SLC44A1: variants seen among roughly 807,000 people sequenced by gnomAD.
SLC44A1 encodes the protein choline transporter-like protein 1.
In SLC44A1, 26 loss-of-function variants were observed where a neutral mutation model predicts 79.3. The ratio of observed to expected loss-of-function variants is 0.33; its 90% CI spans 0.24 to 0.46. The LOEUF is 0.46. Among genes scored for constraint, SLC44A1 ranks in the 20% least tolerant of loss-of-function variants. The pLI, the probability that SLC44A1 is intolerant of heterozygous loss-of-function variation, is 1.00. For missense variants in SLC44A1, 688 were observed against 798.1 expected (o/e 0.86, Z 1.66); for synonymous variants, 263 against 286.2 (o/e 0.92, Z 0.82).
chr9:105,392,092 A>C lies in SLC44A1; in HGVS notation c.*3036A>C. On this transcript the variant is annotated 3_prime_UTR_variant, in exon 16 of 16. Transcript: ENST00000374720. Reference sequence around the variant, plus strand: ...ACCCATCTTCTATGAGAGGCTTACCAGTGCATTAGTAATAAAACATTAGCA... The same window carrying C: ...ACCCATCTTCTATGAGAGGCTTACCCGTGCATTAGTAATAAAACATTAGCA... 1.0e-6 allele frequency: 1 copy of C among 985,414 alleles called. No homozygotes were observed. The highest frequency in any genetic ancestry group is 1.2e-6 in the Non-Finnish European group (1 of 829,882). 61.0% of individuals were successfully genotyped at this position (985,414 alleles called of 1,614,324 possible).
intron 15 of SLC44A1, among the ~76,000 whole-genome samples, chr9:105,437,771 T>G (rs1380080136): frequency 6.6e-6 from 1 of 152,182 alleles, no homozygotes; most frequent in Non-Finnish European, 1.5e-5. Context: ...AAAGTTTCAT[T>G]TGCATTTCAG....
intron 15 of SLC44A1, among the ~76,000 whole-genome samples, chr9:105,427,392 T>C (rs921792144): frequency 7.2e-5 from 11 of 152,226 alleles, no homozygotes; most frequent in Non-Finnish European, 1.3e-4. Context: ...AATTAAGGGA[T>C]TATTAATAAT....
At chr9:105,295,019 C>T (rs1206222677) in intron 1 of SLC44A1, among the ~76,000 whole-genome samples, 1 of 151,538 alleles carries the variant, frequency 6.6e-6, no homozygotes, top group Non-Finnish European at 1.5e-5. Context: ...ATCTTTGTTA[C>T]CATGTTTGTT....
intron 3 of SLC44A1, among the ~76,000 whole-genome samples, chr9:105,320,002 C>A (rs988139177): frequency 1.3e-5 from 2 of 152,160 alleles, no homozygotes; most frequent in Admixed American, 6.5e-5. Flanking sequence ...ACCTTGTGCC[C>A]CTTTGTAGTC....
chr9:105,392,527 G>A lies in SLC44A1; in HGVS notation c.*3471G>A, dbSNP rs1828789168. 1.0e-6 allele frequency: 1 copy of A among 982,954 alleles called. No individual in the cohort carries two copies. The highest frequency in any genetic ancestry group is 1.8e-5 in the African/African-American group (1 of 56,368). 60.9% of individuals were successfully genotyped at this position (982,954 alleles called of 1,614,324 possible). A position where few individuals can be genotyped will look rare whatever the true frequency, so the allele number is the denominator to read the frequency against. On this transcript the variant is annotated 3_prime_UTR_variant, in exon 16 of 16. Transcript: ENST00000374720. ...CCTTGCCTTCCCTGGGCAGTTTTAGGATTTCACCCTAGTAGGGGGTATGAG... is the reference window on the plus strand; with the variant it reads ...CCTTGCCTTCCCTGGGCAGTTTTAGAATTTCACCCTAGTAGGGGGTATGAG...
chr9:105,262,032 C>T (rs779299928), intron 1 of SLC44A1, among the ~76,000 whole-genome samples: 4 of 152,062 alleles, frequency 2.6e-5, no homozygotes, highest in Admixed American at 2.0e-4. Context: ...GATCCGCCTG[C>T]GTTGGCTTCC....
At chr9:105,344,156 A>C (rs1199580134) in intron 4 of SLC44A1, among the ~76,000 whole-genome samples, 2 of 152,204 alleles carry the variant, frequency 1.3e-5, no homozygotes, top group Non-Finnish European at 2.9e-5. Flanking sequence ...ATTAATTGCA[A>C]ATTTTTAAAT....
intron 15 of SLC44A1, among the ~76,000 whole-genome samples, chr9:105,402,411 C>G (rs1828970103): frequency 6.6e-6 from 1 of 152,126 alleles, no homozygotes; most frequent in Admixed American, 6.5e-5. Context: ...TGACGTGTGC[C>G]ATCTCTTCAT....
intron 8 of SLC44A1, among the ~76,000 whole-genome samples, chr9:105,362,317 G>A (rs1827806976): frequency 6.6e-6 from 1 of 152,246 alleles, no homozygotes; most frequent in East Asian, 1.9e-4. Context: ...TTGTTATACA[G>A]ATATTACAAC....
At chr9:105,378,830 A>C (rs1828372808) in intron 13 of SLC44A1, among the ~76,000 whole-genome samples, 1 of 152,218 alleles carries the variant, frequency 6.6e-6, no homozygotes, top group Non-Finnish European at 1.5e-5. Context: ...GTTTCTAATC[A>C]GGTAGTTCAA....
In SLC44A1 at chr9:105,428,760, C is replaced by T. The variant is rs528148582; in HGVS notation, c.1951-9521C>T. Among the ~76,000 whole-genome samples, 9 of 152,282 alleles carry T rather than the reference C, an allele frequency of 5.9e-5. No homozygotes were observed. The East Asian group carries it at 1.5e-3, about 26-fold the overall frequency. On this transcript the variant is annotated intron_variant, in intron 15 of 15. Transcript: ENST00000374724. ...CATTGCGCAGGCTGGAGGGCAGTGG[C>T]GCAATCTCGGCGCCCTACAGCCTCC...
chr9:105,311,456 C>G (rs1175319134), intron 3 of SLC44A1, among the ~76,000 whole-genome samples: 1 of 152,102 alleles, frequency 6.6e-6, no homozygotes, highest in African/African-American at 2.4e-5. Flanking sequence ...TGACTCCAAG[C>G]CTGTTCTCAC....
chr9:105,265,938 T>C (rs938827588), intron 1 of SLC44A1, among the ~76,000 whole-genome samples: 7 of 151,128 alleles, frequency 4.6e-5, no homozygotes, highest in Non-Finnish European at 1.5e-5. Flanking sequence ...TTTCGAATTA[T>C]TGCTCTCTCT....
At chr9:105,311,260 A>AT (rs1362471106) in intron 3 of SLC44A1, among the ~76,000 whole-genome samples, 10 of 152,170 alleles carry the variant, frequency 6.6e-5, no homozygotes, top group Non-Finnish European at 1.2e-4. Context: ...CCACAGTACT[A>AT]TTTTTTGTAG....
chr9:105,426,123 T>C (rs543402442), intron 15 of SLC44A1, among the ~76,000 whole-genome samples: 1 of 152,282 alleles, frequency 6.6e-6, no homozygotes, highest in African/African-American at 2.4e-5. Context: ...TGGGGACATA[T>C]AGGAGAATAT....
intron 2 of SLC44A1, among the ~76,000 whole-genome samples, chr9:105,309,281 G>GTTTGATTCTATGCTCTGATCTTTACTAGC (rs1831113165): frequency 6.6e-6 from 1 of 152,142 alleles, no homozygotes; most frequent in Admixed American, 6.5e-5. Flanking sequence ...GGGAAGCTGG[G>GTTTGATTCTATGCTCTGATCTTTACTAGC]TTTGATTCTA....
chr9:105,347,513 C>T (rs553409699), intron 4 of SLC44A1, among the ~76,000 whole-genome samples: 1 of 151,952 alleles, frequency 6.6e-6, no homozygotes, highest in African/African-American at 2.4e-5. Context: ...GGACTTTATC[C>T]ATCTCAATTA....
intron 3 of SLC44A1, among the ~76,000 whole-genome samples, chr9:105,327,459 T>C (rs1052358304): frequency 2.6e-5 from 4 of 152,108 alleles, no homozygotes; most frequent in Non-Finnish European, 5.9e-5. Flanking sequence ...ATTTCTGTAT[T>C]TTTAGTAGAG....
At chr9:105,425,319 G>A (rs1588880004) in intron 15 of SLC44A1, among the ~76,000 whole-genome samples, 1 of 152,150 alleles carries the variant, frequency 6.6e-6, no homozygotes, top group Admixed American at 6.5e-5. Context: ...TTTGAAGGGG[G>A]AAACAGGTAT....
Sources: allele counts gnomAD v4.1 joint callset (sites outside exome capture counted in the v4.1 genomes callset), GRCh38; gene constraint gnomAD v4.1.1; transcripts MANE v1.5; gene names NCBI Gene and HGNC (gene_info 2026-07-23, HGNC 2026-07-21).